Variants in ATP7A observed in about 807,000 individuals in gnomAD.
ATP7A encodes the protein ATPase copper transporting alpha.
ATP7A carries 7 observed loss-of-function variants against 83.5 expected under a neutral mutation model. That is an observed-to-expected ratio of 0.08 (90% confidence interval 0.05 to 0.16). The LOEUF (loss-of-function observed/expected upper bound fraction) is 0.16. Among genes scored for constraint, ATP7A ranks in the 10% least tolerant of loss-of-function variants. The pLI is 1.00. For synonymous variants in ATP7A, 354 were observed against 395.2 expected (o/e 0.90, Z 1.24); for missense variants, 940 against 1,120.8 (o/e 0.84, Z 2.30).
At chrX:78,025,079 T>C (rs188422293) in intron 14 of ATP7A, among the ~76,000 whole-genome samples, 1 of 111,531 alleles carries the variant, frequency 9.0e-6, no homozygotes, top group African/African-American at 3.3e-5. Context: ...GGCTAATACC[T>C]CACTACAAAA....
chrX:77,944,177 T>C (rs2077365908), intron 1 of ATP7A, among the ~76,000 whole-genome samples: 1 of 112,655 alleles, frequency 8.9e-6, no homozygotes, highest in African/African-American at 3.2e-5. Context: ...CAAATTTGTG[T>C]TTTTAACTAG....
intron 1 of ATP7A, among the ~76,000 whole-genome samples, chrX:77,947,615 T>A (rs782326457): frequency 3.4e-4 from 37 of 109,138 alleles, no homozygotes; most frequent in Middle Eastern, 4.8e-3. Flanking sequence ...ATTTTTGTAT[T>A]TTTAGTAGAG....
chrX:77,932,995 C>T (rs1458227912), intron 1 of ATP7A, among the ~76,000 whole-genome samples: 1 of 111,531 alleles, frequency 9.0e-6, no homozygotes, highest in African/African-American at 3.3e-5. Flanking sequence ...GCATTGAACT[C>T]TTACTGTTCA....
At chrX:78,021,186 T>G in intron 14 of ATP7A, 107 bp downstream of exon 14, 3 of 880,891 alleles carry the variant, frequency 3.4e-6, no homozygotes, top group Non-Finnish European at 4.9e-6. Flanking sequence ...TCTTTAAAGG[T>G]TTGGAGTGGG....
intron 1 of ATP7A, among the ~76,000 whole-genome samples, chrX:77,951,010 G>GT (rs1185476882): frequency 9.0e-6 from 1 of 110,883 alleles, no homozygotes; most frequent in Admixed American, 9.7e-5. Flanking sequence ...AACAGAGTGA[G>GT]ACTCTGTCTC....
intron 19 of ATP7A, 78 bp downstream of exon 19, chrX:78,040,811 A>G (rs951251995): frequency 3.0e-5 from 32 of 1,080,648 alleles, no homozygotes; most frequent in Non-Finnish European, 4.0e-5. Context: ...TAAGAAATTT[A>G]CATTACCTAC....
intron 1 of ATP7A, among the ~76,000 whole-genome samples, chrX:77,919,080 TG>T (rs1354829867): frequency 8.9e-6 from 1 of 111,954 alleles, no homozygotes; most frequent in Non-Finnish European, 1.9e-5. Flanking sequence ...CAGTATCAAG[TG>T]GAATAATGTA....
chrX:78,005,301 C>T (rs1742308906), intron 6 of ATP7A, among the ~76,000 whole-genome samples: 1 of 111,339 alleles, frequency 9.0e-6, no homozygotes, highest in South Asian at 3.7e-4. Flanking sequence ...TAATTTTAGA[C>T]TCACAAGTAA....
At chrX:77,955,358 A>C (rs1245625036) in intron 1 of ATP7A, among the ~76,000 whole-genome samples, 1 of 111,089 alleles carries the variant, frequency 9.0e-6, no homozygotes, top group Admixed American at 9.6e-5. Context: ...TCAAACTATC[A>C]CTTTGTCATT....
At chrX:77,934,328 GGATT>G (rs2077307703) in intron 1 of ATP7A, among the ~76,000 whole-genome samples, 1 of 111,255 alleles carries the variant, frequency 9.0e-6, no homozygotes, top group South Asian at 3.8e-4. Context: ...TGAGGTGGGA[GGATT>G]GATTGAGCCC....
At chrX:78,014,882 C>A in intron 11 of ATP7A, 129 bp downstream of exon 11, 2 of 528,826 alleles carry the variant, frequency 3.8e-6, no homozygotes, top group Non-Finnish European at 6.2e-6. Flanking sequence ...AAATTATCCA[C>A]ATTTTGCCAT....
At chrX:78,006,819 A>G (rs1219244354) in intron 6 of ATP7A, among the ~76,000 whole-genome samples, 2 of 112,415 alleles carry the variant, frequency 1.8e-5, no homozygotes, top group African/African-American at 6.5e-5. Flanking sequence ...ATGTTGTAGC[A>G]TGTATCATTA....
intron 17 of ATP7A, among the ~76,000 whole-genome samples, chrX:78,035,217 A>G (rs782785310): frequency 3.6e-5 from 4 of 110,978 alleles, no homozygotes; most frequent in Non-Finnish European, 7.6e-5. Flanking sequence ...ACCGCTCTAA[A>G]ATCCATATCT....
chrX:78,042,867 C>A, intron 20 of ATP7A, 79 bp downstream of exon 20: 1 of 1,036,297 alleles, frequency 9.6e-7, no homozygotes, highest in Non-Finnish European at 1.4e-6. Flanking sequence ...GTATATTGAG[C>A]ATAACAATTC....
chrX:78,011,526 A>G lies in ATP7A; in HGVS notation c.2024A>G (p.Asp675Gly). Residue 675 changes from aspartate (D) to glycine (G), a missense_variant, in exon 9 of 23, where the codon GAC becomes GGC. Around this residue, in one of 3 missense-constraint regions of ATP7A, gnomAD observed 204 missense variants for 185.8 expected, o/e 1.10. Transcript: ENST00000341514. ...CTGATGATATATATGATGGTTATGGACCACCACTTTGCAACTCTTCACCAT... is the reference window on the plus strand; with the variant it reads ...CTGATGATATATATGATGGTTATGGGCCACCACTTTGCAACTCTTCACCAT... ...MGLMIYMMVM[D>G]HHFATLHHNQ... 8.3e-7 allele frequency: 1 copy of G among 1,210,572 alleles called. No individual in the cohort carries two copies. Among genetic ancestry groups the G allele is most frequent in the East Asian group, 3.0e-5 (1 of 33,815 alleles).
chrX:77,989,645 G>C lies in ATP7A; in HGVS notation c.1023G>C (p.Gly341=), dbSNP rs374656309. The change falls in exon 4 of 23, where the codon GGG becomes GGC. Residue 341 remains glycine (G), a synonymous_variant. Coordinates refer to ENST00000341514, the MANE Select transcript of ATP7A (RefSeq NM_000052.7). ...AAGCAATAGAGGCTGTATCACCGGG[G>C]CTATATAGAGTTAGTATCACAAGTG... ...LRKAIEAVSP[G]LYRVSITSEV... is the part of the protein sequence containing the mutation. 1.7e-6 allele frequency: 2 copies of C among 1,211,298 alleles called. No homozygotes were observed. The highest frequency in any genetic ancestry group is 3.0e-5 in the East Asian group (1 of 33,841).
rs781864102 is a variant in ATP7A at position 78,011,772 on chromosome X, G to C, written c.2172+98G>C. 15 of 813,417 alleles carry C rather than the reference G, an allele frequency of 1.8e-5. No homozygotes were observed. The East Asian group carries it at 4.1e-4, about 22-fold the overall frequency. 67.0% of individuals were successfully genotyped at this position (813,417 alleles called of 1,213,427 possible). A position where few individuals can be genotyped will look rare whatever the true frequency, so the allele number is the denominator to read the frequency against. ...TCAGCTACAAAACTGATGTTAGCTA[G>C]AAGTCTGATCATTTTATGCCATATG... On this transcript the variant is annotated intron_variant, in intron 9 of 22. Coordinates refer to ENST00000341514, the MANE Select transcript of ATP7A (RefSeq NM_000052.7).
intron 5 of ATP7A, 49 bp downstream of exon 5, chrX:77,998,733 C>T (rs1557232829): frequency 8.8e-6 from 10 of 1,140,550 alleles, no homozygotes; most frequent in Non-Finnish European, 1.2e-5. Context: ...TTGGGAGCTC[C>T]ATCTTTTTTG....
Position 78,049,667 on chromosome X carries a change from T to C in ATP7A, c.*3097T>C, listed in dbSNP as rs782696413. ...GATGCCTTGTGAACAAGTAATTTTATATTGTGCTTTAATTTTTTAAAAAGT... is the reference window on the plus strand; with the variant it reads ...GATGCCTTGTGAACAAGTAATTTTACATTGTGCTTTAATTTTTTAAAAAGT... On this transcript the variant is annotated 3_prime_UTR_variant, in exon 23 of 23. Coordinates refer to ENST00000341514, the MANE Select transcript of ATP7A (RefSeq NM_000052.7). 2.3e-4 allele frequency: 26 copies of C among 112,864 alleles called. No individual in the cohort carries two copies. Among genetic ancestry groups the C allele is most frequent in the African/African-American group, 8.3e-4 (26 of 31,164 alleles). The allele number at this position is 112,864 out of a possible 1,213,427, so 9.3% of individuals were successfully genotyped here. A position where few individuals can be genotyped will look rare whatever the true frequency, so the allele number is the denominator to read the frequency against.
Sources: allele counts gnomAD v4.1 joint callset (sites outside exome capture counted in the v4.1 genomes callset), GRCh38; gene constraint gnomAD v4.1.1; regional missense constraint gnomAD v4.1.1; transcripts MANE v1.5; gene names NCBI Gene and HGNC (gene_info 2026-07-23, HGNC 2026-07-21).